PCDH15: variants seen among roughly 807,000 people sequenced by gnomAD.
PCDH15 encodes the protein protocadherin-15.
Under a neutral mutation model 178.5 loss-of-function variants are expected in PCDH15, and 129 were observed. That is an observed-to-expected ratio of 0.72 (90% CI 0.63 to 0.84). The LOEUF is 0.84. PCDH15 is among the 40% of genes least tolerant of loss of function. The pLI is 0.00. For missense variants in PCDH15, 2,230 were observed against 2,099.9 expected (o/e 1.06, Z -1.21); for synonymous variants, 800 against 732.0 (o/e 1.09, Z -1.50).
intron 1 of PCDH15, among the ~76,000 whole-genome samples, chr10:54,788,786 G>A (rs1951127638): frequency 6.6e-6 from 1 of 151,702 alleles, no homozygotes; most frequent in Admixed American, 6.6e-5. Context: ...AGTCATTGGT[G>A]ACAACTGGTA....
In PCDH15 at chr10:53,825,157, T is replaced by G. The variant is rs764816053; in HGVS notation, c.4367+2236A>C. On this transcript the variant is annotated intron_variant, in intron 32 of 37. Transcript: ENST00000644397. ...TTACTTATGCCTATGTATCCACAGGTGAGAAACAGAAAACATGTGATAGAA... is the reference window on the plus strand; with the variant it reads ...TTACTTATGCCTATGTATCCACAGGGGAGAAACAGAAAACATGTGATAGAA... 13 of 1,533,244 alleles carry G rather than the reference T, an allele frequency of 8.5e-6. No individual in the cohort carries two copies. The African/African-American group carries it at 1.8e-4, about 21-fold the overall frequency. 95.0% of individuals were successfully genotyped at this position (1,533,244 alleles called of 1,614,324 possible).
chr10:54,638,656 C>A (rs2093918595), intron 2 of PCDH15, among the ~76,000 whole-genome samples: 1 of 151,948 alleles, frequency 6.6e-6, no homozygotes, highest in Admixed American at 6.6e-5. Flanking sequence ...AGTAGATCTA[C>A]CATTTGATCC....
intron 2 of PCDH15, among the ~76,000 whole-genome samples, chr10:55,327,919 G>A (rs569844232): frequency 6.6e-6 from 1 of 152,082 alleles, no homozygotes; most frequent in South Asian, 2.1e-4. Flanking sequence ...TTTATTGGCT[G>A]TCAGTCACTT....
At chr10:54,194,578 A>G (rs898550766) in intron 11 of PCDH15, among the ~76,000 whole-genome samples, 42 of 151,568 alleles carry the variant, frequency 2.8e-4, no homozygotes, top group Non-Finnish European at 5.0e-4. Context: ...TATAATCCAA[A>G]CACAGTTGTA....
At chr10:54,265,894 T>A (rs1487441638) in intron 8 of PCDH15, among the ~76,000 whole-genome samples, 2 of 151,850 alleles carry the variant, frequency 1.3e-5, no homozygotes, top group African/African-American at 4.8e-5. Context: ...AACAAATAAA[T>A]TCTGGACTTA....
intron 2 of PCDH15, among the ~76,000 whole-genome samples, chr10:54,971,241 C>CT (rs1338666256): frequency 1.3e-5 from 2 of 152,160 alleles, no homozygotes; most frequent in East Asian, 3.9e-4. Flanking sequence ...GAGGTGGGGC[C>CT]TTGAGGAGGT....
chr10:54,091,529 T>C (rs1418492387), intron 15 of PCDH15, among the ~76,000 whole-genome samples: 3 of 152,176 alleles, frequency 2.0e-5, no homozygotes, highest in Non-Finnish European at 4.4e-5. Flanking sequence ...CCTTATCAGC[T>C]ACCACAATGG....
In PCDH15 at chr10:55,210,618, C is replaced by CTTTTTTTTTTTTTTTTTTTTTTTTTTT. The variant is rs11412877; in HGVS notation, c.-155-43994_-155-43968dup. 8.7e-4 allele frequency among the ~76,000 whole-genome samples: 35 copies of CTTTTTTTTTTTTTTTTTTTTTTTTTTT among 40,344 alleles called. 10 individuals are homozygous for CTTTTTTTTTTTTTTTTTTTTTTTTTTT. The highest frequency in any genetic ancestry group is 1.0e-3 in the Non-Finnish European group (25 of 24,816). 26.5% of individuals were successfully genotyped at this position (40,344 alleles called of 152,430 possible). ...ACGATTTTTTTTTCTTTTTTCTTTTCTTTTTTTTTTTTTTTTTTTTTTTTT... is the reference window on the plus strand; with the variant it reads ...ACGATTTTTTTTTCTTTTTTCTTTTCTTTTTTTTTTTTTTTTTTTTTTTTTTTTTTTTTTTTTTTTTTTTTTTTTTTT... On this transcript the variant is annotated intron_variant, in intron 1 of 5. Coordinates refer to the PCDH15 transcript ENST00000458638.
At chr10:55,258,973 T>C (rs1842080881) in intron 1 of PCDH15, among the ~76,000 whole-genome samples, 2 of 152,126 alleles carry the variant, frequency 1.3e-5, no homozygotes, top group South Asian at 4.1e-4. Flanking sequence ...CAAGTTCCTG[T>C]TTTCTCATAC....
intron 2 of PCDH15, among the ~76,000 whole-genome samples, chr10:55,477,261 G>A (rs1840081258): frequency 6.6e-6 from 1 of 151,878 alleles, no homozygotes. Flanking sequence ...GACAGAAGTT[G>A]AGTATGGTAT....
At chr10:54,917,014 T>A (rs1837354073) in intron 2 of PCDH15, among the ~76,000 whole-genome samples, 1 of 152,132 alleles carries the variant, frequency 6.6e-6, no homozygotes, top group African/African-American at 2.4e-5. Flanking sequence ...AGTGAGCTCT[T>A]TTTTCATCAG....
intron 1 of PCDH15, among the ~76,000 whole-genome samples, chr10:54,761,342 C>T (rs1401719481): frequency 6.6e-6 from 1 of 152,092 alleles, no homozygotes; most frequent in Non-Finnish European, 1.5e-5. Flanking sequence ...AGGTAATATG[C>T]TCAACTCTGA....
chr10:55,234,623 C>T (rs1162687025), intron 1 of PCDH15, among the ~76,000 whole-genome samples: 1 of 151,982 alleles, frequency 6.6e-6, no homozygotes, highest in African/African-American at 2.4e-5. Context: ...TCAAGCAATC[C>T]ACCTACCTCG....
At chr10:54,657,780 T>C (rs1212146654) in intron 2 of PCDH15, among the ~76,000 whole-genome samples, 1 of 152,212 alleles carries the variant, frequency 6.6e-6, no homozygotes. Context: ...GCATGAACTC[T>C]AGCAGTACAA....
intron 24 of PCDH15, 107 bp downstream of exon 24, chr10:53,940,759 T>C (rs866381031): frequency 1.2e-6 from 1 of 862,068 alleles, no homozygotes; most frequent in African/African-American, 1.7e-5. Flanking sequence ...TGGGCACAAT[T>C]TTATTAGAAA....
intron 2 of PCDH15, among the ~76,000 whole-genome samples, chr10:54,602,338 T>C (rs1263687896): frequency 6.6e-6 from 1 of 152,010 alleles, no homozygotes; most frequent in African/African-American, 2.4e-5. Flanking sequence ...TACTTTTATT[T>C]AGAGCAACTT....
chr10:55,530,277 C>T (rs1841420073), intron 2 of PCDH15, among the ~76,000 whole-genome samples: 1 of 151,878 alleles, frequency 6.6e-6, no homozygotes, highest in South Asian at 2.1e-4. Flanking sequence ...CTCTAACCAT[C>T]ATTATTATTC....
intron 3 of PCDH15, among the ~76,000 whole-genome samples, chr10:54,455,901 A>G (rs1383394893): frequency 6.6e-6 from 1 of 152,168 alleles, no homozygotes; most frequent in Non-Finnish European, 1.5e-5. Context: ...CTGTTCTTCA[A>G]TGGGTACAAG....
intron 1 of PCDH15, among the ~76,000 whole-genome samples, chr10:55,202,685 T>C (rs1380885627): frequency 1.3e-5 from 2 of 152,106 alleles, no homozygotes; most frequent in Non-Finnish European, 2.9e-5. Context: ...AACTTTATCT[T>C]GAATAGTAAT....
Sources: allele counts gnomAD v4.1 joint callset (sites outside exome capture counted in the v4.1 genomes callset), GRCh38; gene constraint gnomAD v4.1.1; transcripts MANE v1.5; gene names NCBI Gene and HGNC (gene_info 2026-07-23, HGNC 2026-07-21).